The following SHISA6 variants were observed in gnomAD, a reference collection of about 807,000 sequenced individuals.
SHISA6 encodes the protein shisa family member 6.
In SHISA6, 22 loss-of-function variants were observed where a neutral mutation model predicts 47.9. The ratio of observed to expected loss-of-function variants is 0.46; its 90% CI spans 0.33 to 0.66. The LOEUF (loss-of-function observed/expected upper bound fraction) is 0.66. Among genes scored for constraint, SHISA6 ranks in the 30% least tolerant of loss-of-function variants. SHISA6 has a pLI of 0.02. For synonymous variants in SHISA6, 388 were observed against 337.8 expected, an observed-to-expected ratio of 1.15 and a Z score of -1.63; for missense variants, 680 against 764.6, an observed-to-expected ratio of 0.89 and a Z score of 1.30.
At chr17:11,428,779 CTT>C (rs34920362) in intron 3 of SHISA6, among the ~76,000 whole-genome samples, 4,615 of 95,866 alleles carry the variant, frequency 0.048, 59 homozygotes, top group East Asian at 0.12. Flanking sequence ...GATCCACTTT[CTT>C]TTTTTTTTTT....
chr17:11,411,482 C>T (rs1455876438), intron 3 of SHISA6, among the ~76,000 whole-genome samples: 3 of 151,990 alleles, frequency 2.0e-5, no homozygotes, highest in Non-Finnish European at 2.9e-5. Flanking sequence ...CTGCAACCTC[C>T]GCCTCCCAGG....
Position 11,277,241 on chromosome 17 carries a change from T to TTCTCTCTCTCTCTC in SHISA6, c.799+13742_799+13755dup, listed in dbSNP as rs139388009. On this transcript the variant is annotated intron_variant, in intron 2 of 5. Coordinates refer to ENST00000441885, the MANE Select transcript of SHISA6 (RefSeq NM_207386.4). ...CTCCCTCCCCATCCCCGGTTTCTCT[T>TTCTCTCTCTCTCTC]TCTCTCTCTCTCTCTCTCTCTCTCT... Among the ~76,000 whole-genome samples, 236 of 78,110 alleles carry TTCTCTCTCTCTCTC rather than the reference T, an allele frequency of 3.0e-3. 4 individuals carry two copies. Among genetic ancestry groups the TTCTCTCTCTCTCTC allele is most frequent in the Middle Eastern group, 6.8e-3 (1 of 148 alleles). The allele number at this position is 78,110 out of a possible 152,430, so 51.2% of individuals were successfully genotyped here.
At chr17:11,319,347 G>A (rs113351128) in intron 2 of SHISA6, among the ~76,000 whole-genome samples, 18 of 152,276 alleles carry the variant, frequency 1.2e-4, no homozygotes, top group African/African-American at 4.3e-4. Flanking sequence ...CCAAAGTGCC[G>A]GGATTATGGG....
intron 2 of SHISA6, among the ~76,000 whole-genome samples, chr17:11,322,338 A>G (rs1910743354): frequency 6.6e-6 from 1 of 152,162 alleles, no homozygotes; most frequent in South Asian, 2.1e-4. Flanking sequence ...CTAGATATTC[A>G]GGTTTCCCCT....
At chr17:11,372,770 G>A (rs1292908984) in intron 2 of SHISA6, among the ~76,000 whole-genome samples, 1 of 151,996 alleles carries the variant, frequency 6.6e-6, no homozygotes. Flanking sequence ...TTTCCATAGA[G>A]AGTTTCAGCC....
chr17:11,277,272 TCTCTCTCTCACACACACA>T (rs1338096006), intron 2 of SHISA6, among the ~76,000 whole-genome samples: 4 of 68,754 alleles, frequency 5.8e-5, no homozygotes, highest in South Asian at 5.3e-4. Flanking sequence ...TCTCTCTCTC[TCTCTCTCTCACACACACA>T]CACACACACA....
chr17:11,462,175 C>A (rs1051333024), intron 3 of SHISA6, among the ~76,000 whole-genome samples: 1 of 152,164 alleles, frequency 6.6e-6, no homozygotes, highest in African/African-American at 2.4e-5. Context: ...TTTCCCTCCC[C>A]CTCTTGCTTC....
chr17:11,517,484 T>C (rs1314950977), intron 3 of SHISA6, among the ~76,000 whole-genome samples: 1 of 152,184 alleles, frequency 6.6e-6, no homozygotes, highest in African/African-American at 2.4e-5. Context: ...TTTTTTTCTT[T>C]TAGCATAATG....
chr17:11,269,922 C>A (rs1051773336), intron 2 of SHISA6, among the ~76,000 whole-genome samples: 6 of 152,098 alleles, frequency 3.9e-5, no homozygotes, highest in Non-Finnish European at 7.4e-5. Flanking sequence ...TAGCCACATG[C>A]GACTGTTGAG....
intron 3 of SHISA6, among the ~76,000 whole-genome samples, chr17:11,418,668 C>A (rs544433991): frequency 1.3e-5 from 2 of 152,298 alleles, no homozygotes; most frequent in Admixed American, 1.3e-4. Flanking sequence ...CCTACCTTCC[C>A]TGCATTGGCG....
chr17:11,268,602 T>C (rs895203903), intron 2 of SHISA6, among the ~76,000 whole-genome samples: 1 of 152,208 alleles, frequency 6.6e-6, no homozygotes. Context: ...TTCCTAACCT[T>C]CTCTGTTACC....
rs1276844049 is a variant in SHISA6, at chr17:11,276,031, G to GCAGTGGTGCAATCTCTGTTCACTGC, written c.799+12506_799+12530dup. ...TGCTGTGTCACCCAAGTTGGAGTGT[G>GCAGTGGTGCAATCTCTGTTCACTGC]CAGTGGTGCAATCTCTGTTCACTGC... On this transcript the variant is annotated intron_variant, in intron 2 of 5. Transcript: ENST00000441885. Among the ~76,000 whole-genome samples the GCAGTGGTGCAATCTCTGTTCACTGC allele has an allele frequency of 1.6e-4, 24 of 151,798 alleles. No individual in the cohort carries two copies. The East Asian group carries it at 4.5e-3, about 28-fold the overall frequency.
At chr17:11,480,384 A>G (rs1916179746) in intron 3 of SHISA6, among the ~76,000 whole-genome samples, 1 of 141,194 alleles carries the variant, frequency 7.1e-6, no homozygotes, top group Non-Finnish European at 1.6e-5. Flanking sequence ...ATCAATAAAT[A>G]CTCATTGAGT....
chr17:11,474,214 G>C (rs1252469217), intron 3 of SHISA6, among the ~76,000 whole-genome samples: 1 of 151,432 alleles, frequency 6.6e-6, no homozygotes, highest in African/African-American at 2.4e-5. Context: ...CCACAGCCTT[G>C]GCAGTATCTG....
chr17:11,346,129 T>C (rs1266971966), intron 2 of SHISA6, among the ~76,000 whole-genome samples: 1 of 152,154 alleles, frequency 6.6e-6, no homozygotes, highest in Non-Finnish European at 1.5e-5. Flanking sequence ...CCCATCTGTC[T>C]CTAGTTTGTG....
intron 3 of SHISA6, among the ~76,000 whole-genome samples, chr17:11,481,484 C>T (rs1916218228): frequency 7.1e-6 from 1 of 141,340 alleles, no homozygotes; most frequent in African/African-American, 2.6e-5. Context: ...AATAAAATGA[C>T]AAACTGAAGT....
intron 3 of SHISA6, among the ~76,000 whole-genome samples, chr17:11,514,020 T>TAC (rs1378077364): frequency 1.3e-4 from 20 of 152,174 alleles, no homozygotes; most frequent in African/African-American, 3.9e-4. Context: ...GGTTTGAAAC[T>TAC]TTGCTAGCAG....
chr17:11,398,023 C>A (rs1913633261), intron 3 of SHISA6, among the ~76,000 whole-genome samples: 1 of 151,614 alleles, frequency 6.6e-6, no homozygotes, highest in South Asian at 2.1e-4. Context: ...TGTTTTAAAA[C>A]TTTTTTTTCT....
rs2071678941 is a variant in SHISA6 at position 11,526,111 on chromosome 17, C to CCG, written c.896-25784_896-25783insGC. On this transcript the variant is annotated intron_variant, in intron 3 of 5. Transcript: ENST00000441885. ...TGGTGGCATGACCCTACCAAGGGGA[C>CCG]CCCCCCCCGCTCTCTGCTGATTTGG... 8.9e-5 allele frequency among the ~76,000 whole-genome samples: 3 copies of CCG among 33,600 alleles called. No homozygotes were observed. The South Asian group carries it at 2.7e-3, about 30-fold the overall frequency. 22.0% of individuals were successfully genotyped at this position (33,600 alleles called of 152,430 possible).
Sources: gnomAD v4.1 joint callset for allele counts (sites outside exome capture counted in the v4.1 genomes callset) on GRCh38, gnomAD v4.1.1 for gene constraint, MANE v1.5 for transcripts, NCBI Gene and HGNC (gene_info 2026-07-23, HGNC 2026-07-21) for gene names.